WWP1: variants seen among roughly 807,000 people sequenced by gnomAD.
WWP1 encodes NEDD4-like E3 ubiquitin-protein ligase WWP1.
WWP1 carries 49 observed loss-of-function variants against 130.6 expected under a neutral mutation model. The ratio of observed to expected loss-of-function variants is 0.38; its 90% CI spans 0.30 to 0.48. The LOEUF is 0.48. WWP1 is among the 20% of genes least tolerant of loss of function. The probability of loss-of-function intolerance (pLI) is 0.99; values close to 1 mark genes in which losing one functional copy is unlikely to be tolerated. For missense variants in WWP1, 809 were observed against 1,100.6 expected, an observed-to-expected ratio of 0.74 and a Z score of 3.75; for synonymous variants, 332 against 367.8, an observed-to-expected ratio of 0.90 and a Z score of 1.11.
chr8:86,445,429 C>T (rs191493990), intron 18 of WWP1, among the ~76,000 whole-genome samples: 8 of 152,116 alleles, frequency 5.3e-5, no homozygotes, highest in Admixed American at 1.3e-4. Context: ...CCCACCTGTA[C>T]GTAAGAACAT....
chr8:86,375,875 C>G (rs1166884178), intron 3 of WWP1, among the ~76,000 whole-genome samples: 2 of 152,172 alleles, frequency 1.3e-5, no homozygotes, highest in African/African-American at 2.4e-5. Context: ...CATTTTGTGT[C>G]TACACCAGCT....
At chr8:86,466,537 A>T (rs931518638) in intron 24 of WWP1, among the ~76,000 whole-genome samples, 2 of 146,908 alleles carry the variant, frequency 1.4e-5, no homozygotes, top group Non-Finnish European at 3.0e-5. Context: ...AAGAAAATGG[A>T]TTTTTTTTTT....
At chr8:86,456,990 AG>A (rs1811482892) in intron 21 of WWP1, among the ~76,000 whole-genome samples, 1 of 152,000 alleles carries the variant, frequency 6.6e-6, no homozygotes, top group Non-Finnish European at 1.5e-5. Flanking sequence ...GATTACAAAA[AG>A]GGGATGATGA....
At chr8:86,439,163 G>A (rs1428111890) in intron 17 of WWP1, among the ~76,000 whole-genome samples, 3 of 152,060 alleles carry the variant, frequency 2.0e-5, no homozygotes, top group Non-Finnish European at 2.9e-5. Flanking sequence ...CTAACACGGT[G>A]AAACCCCGTC....
intron 8 of WWP1, among the ~76,000 whole-genome samples, chr8:86,408,577 T>G (rs898513185): frequency 4.6e-5 from 7 of 152,228 alleles, no homozygotes; most frequent in African/African-American, 1.4e-4. Flanking sequence ...CATTGAGAGA[T>G]ATTTTATGTC....
At chr8:86,434,377 A>G (rs1044663319) in intron 14 of WWP1, among the ~76,000 whole-genome samples, 3 of 152,114 alleles carry the variant, frequency 2.0e-5, no homozygotes, top group South Asian at 2.1e-4. Flanking sequence ...TGTGCCTTCA[A>G]CACCTTCAGC....
intron 5 of WWP1, among the ~76,000 whole-genome samples, chr8:86,383,587 C>T (rs1277975070): frequency 6.6e-6 from 1 of 151,888 alleles, no homozygotes; most frequent in East Asian, 1.9e-4. Flanking sequence ...ACCAAAAATA[C>T]AAAAATTAGC....
chr8:86,345,495 C>T (rs865819728), intron 1 of WWP1, among the ~76,000 whole-genome samples: 2 of 152,072 alleles, frequency 1.3e-5, no homozygotes, highest in Non-Finnish European at 1.5e-5. Context: ...TTGCAACCTC[C>T]GCCTCCCAGG....
chr8:86,399,725 C>T (rs1401669445), intron 7 of WWP1, among the ~76,000 whole-genome samples: 1 of 152,106 alleles, frequency 6.6e-6, no homozygotes, highest in Non-Finnish European at 1.5e-5. Flanking sequence ...TAGTAAGACG[C>T]TTTGAATTAA....
At chr8:86,367,593 G>A (rs1458211288) in intron 1 of WWP1, among the ~76,000 whole-genome samples, 3 of 152,140 alleles carry the variant, frequency 2.0e-5, no homozygotes, top group African/African-American at 7.2e-5. Flanking sequence ...ATACAATTCT[G>A]TGGGATTTTC....
chr8:86,397,395 T>C (rs891652055), intron 5 of WWP1, among the ~76,000 whole-genome samples: 4 of 150,672 alleles, frequency 2.7e-5, no homozygotes, highest in African/African-American at 7.4e-5. Context: ...ATTAATACAA[T>C]GTGGAATAAT....
intron 10 of WWP1, among the ~76,000 whole-genome samples, chr8:86,426,593 T>G (rs1033528008): frequency 2.0e-5 from 3 of 152,136 alleles, no homozygotes; most frequent in Admixed American, 6.5e-5. Flanking sequence ...AATAGTTGGT[T>G]AGACTCTCAC....
At chr8:86,411,446 G>T (rs1808579025) in intron 8 of WWP1, 92 bp from the exon 9 acceptor site, 2 of 1,120,392 alleles carry the variant, frequency 1.8e-6, no homozygotes, top group Admixed American at 2.2e-5. Context: ...GCTTAGTCTG[G>T]ATTAGGCTCT....
chr8:86,369,745 C>T (rs118111345), intron 2 of WWP1, among the ~76,000 whole-genome samples: 7,014 of 152,222 alleles, frequency 0.046, 223 homozygotes, highest in Middle Eastern at 0.092. Flanking sequence ...CCCTCATTTA[C>T]TGCCTAGAGG....
At chr8:86,414,687 A>T (rs1808784944) in intron 9 of WWP1, among the ~76,000 whole-genome samples, 1 of 152,316 alleles carries the variant, frequency 6.6e-6, no homozygotes, top group East Asian at 1.9e-4. Flanking sequence ...ATGTACAGCC[A>T]AGTTGAGAAC....
intron 3 of WWP1, among the ~76,000 whole-genome samples, chr8:86,378,891 A>G (rs1385861950): frequency 6.6e-6 from 1 of 152,202 alleles, no homozygotes; most frequent in Non-Finnish European, 1.5e-5. Flanking sequence ...ATTGATGGTG[A>G]TAGTGCCTTG....
At chr8:86,410,166 C>T (rs1004023262) in intron 8 of WWP1, among the ~76,000 whole-genome samples, 1 of 152,092 alleles carries the variant, frequency 6.6e-6, no homozygotes, top group South Asian at 2.1e-4. Context: ...TTTACATTAC[C>T]TTCCCAGAAT....
At chr8:86,458,799 A>G (rs1811594129) in intron 22 of WWP1, among the ~76,000 whole-genome samples, 1 of 152,112 alleles carries the variant, frequency 6.6e-6, no homozygotes, top group Admixed American at 6.6e-5. Flanking sequence ...TTATTGCTTG[A>G]TATTTTAAAG....
At chr8:86,389,848 T>C (rs1383359540) in intron 5 of WWP1, among the ~76,000 whole-genome samples, 16 of 146,824 alleles carry the variant, frequency 1.1e-4, no homozygotes, top group Admixed American at 8.0e-4. Context: ...CCCCACCTCC[T>C]TCCCAGATGG....
Sources: gnomAD v4.1 joint callset for allele counts (sites outside exome capture counted in the v4.1 genomes callset) on GRCh38, gnomAD v4.1.1 for gene constraint, MANE v1.5 for transcripts, NCBI Gene and HGNC (gene_info 2026-07-23, HGNC 2026-07-21) for gene names.